The following PKHD1 variants were observed in gnomAD, a reference collection of about 807,000 sequenced individuals.
PKHD1 encodes PKHD1 ciliary IPT domain containing fibrocystin/polyductin.
A neutral mutation model predicts 412.0 loss-of-function variants in PKHD1; 291 were observed. That is an observed-to-expected ratio of 0.71 (90% confidence interval 0.64 to 0.78). The LOEUF (loss-of-function observed/expected upper bound fraction) is 0.78. Among genes scored for constraint, PKHD1 ranks in the 30% least tolerant of loss-of-function variants. The probability of loss-of-function intolerance (pLI) is 0.00; values close to 1 mark genes in which losing one functional copy is unlikely to be tolerated. For missense variants in PKHD1, 4,825 were observed against 4,950.7 expected, an observed-to-expected ratio of 0.97 and a Z score of 0.76; for synonymous variants, 1,777 against 1,821.5, an observed-to-expected ratio of 0.98 and a Z score of 0.62.
intron 48 of PKHD1, 136 bp from the exon 49 acceptor site, chr6:51,856,206 T>C: frequency 1.4e-6 from 1 of 705,950 alleles, no homozygotes; most frequent in Non-Finnish European, 2.5e-6. Context: ...TTTAGTTGTA[T>C]GTCTAGGGAG....
intron 35 of PKHD1, among the ~76,000 whole-genome samples, chr6:51,983,794 A>G (rs1795880812): frequency 6.6e-6 from 1 of 152,262 alleles, no homozygotes; most frequent in Non-Finnish European, 1.5e-5. Flanking sequence ...AACAGCTTCC[A>G]GCACTGCACC....
In PKHD1 at chr6:51,912,568, G is replaced by A. The variant is rs777570978; in HGVS notation, c.6130C>T (p.Pro2044Ser). The A allele has an allele frequency of 5.0e-6, 8 of 1,610,570 alleles. No individual in the cohort carries two copies. The highest frequency in any genetic ancestry group is 4.2e-6 in the Non-Finnish European group (5 of 1,177,090). Residue 2044 changes from proline to serine, a missense_variant, in exon 38 of 67, where the codon CCA becomes TCA. Physicochemically the swap from Pro to Ser is moderately conservative, Grantham distance 74. Coordinates refer to ENST00000371117, the MANE Select transcript of PKHD1 (RefSeq NM_138694.4). ...NGTLSLHGSLPEVIVTCLRAT... is the reference protein window; with the variant it reads ...NGTLSLHGSLSEVIVTCLRAT... ...CTAAGACAGGTGACAATTACTTCTG[G>A]TAGTGAACCTAAAGCAGCCCGAGGA...
chr6:51,968,686 C>A (rs770562604), intron 35 of PKHD1, among the ~76,000 whole-genome samples: 9 of 152,176 alleles, frequency 5.9e-5, no homozygotes, highest in Non-Finnish European at 1.3e-4. Context: ...GCCCACTTAG[C>A]CTCAGTAAAG....
chr6:51,881,393 C>T (rs1048718025), intron 46 of PKHD1, among the ~76,000 whole-genome samples: 3 of 152,254 alleles, frequency 2.0e-5, no homozygotes, highest in Middle Eastern at 6.8e-3. Flanking sequence ...TGACACAATA[C>T]AATTTTATTA....
At chr6:52,011,895 G>A (rs1170911941) in intron 34 of PKHD1, among the ~76,000 whole-genome samples, 3 of 152,104 alleles carry the variant, frequency 2.0e-5, no homozygotes, top group South Asian at 2.1e-4. Context: ...CTGGGACTCC[G>A]GTCTGCCTTT....
chr6:52,034,750 G>A (rs1052141272), intron 28 of PKHD1, among the ~76,000 whole-genome samples: 1 of 152,146 alleles, frequency 6.6e-6, no homozygotes, highest in Non-Finnish European at 1.5e-5. Flanking sequence ...CTAAGTGTCT[G>A]GTAATAAGGA....
intron 60 of PKHD1, among the ~76,000 whole-genome samples, chr6:51,693,272 C>T (rs143848656): frequency 3.8e-4 from 58 of 152,342 alleles, no homozygotes; most frequent in Non-Finnish European, 7.4e-4. Flanking sequence ...TCAAACATAA[C>T]ACTTTCCCAT....
At chr6:52,035,858 G>GA (rs1206056617) in intron 27 of PKHD1, 137 bp from the exon 28 acceptor site, 4 of 835,450 alleles carry the variant, frequency 4.8e-6, no homozygotes, top group African/African-American at 1.7e-5. Flanking sequence ...CAAACTGCAG[G>GA]AAAAAAACTG....
In PKHD1 at chr6:51,938,080, C is replaced by T. The variant is rs1284326510; in HGVS notation, c.5909-3758G>A. Among the ~76,000 whole-genome samples, 5 of 152,154 alleles carry T rather than the reference C, an allele frequency of 3.3e-5. No individual in the cohort carries two copies. In the East Asian group the frequency reaches 9.6e-4, roughly 29 times the overall value. ...ATAGCCCTTCCCAAAATTAAACTAC[C>T]TTTGTAAAACTAATGAAAGGCCACA... is the stretch of plus-strand genomic sequence containing the variant. On this transcript the variant is annotated intron_variant, in intron 36 of 66. Coordinates refer to ENST00000371117, the MANE Select transcript of PKHD1 (RefSeq NM_138694.4).
At chr6:51,831,574 G>C (rs1266746970) in intron 51 of PKHD1, among the ~76,000 whole-genome samples, 1 of 152,132 alleles carries the variant, frequency 6.6e-6, no homozygotes, top group East Asian at 1.9e-4. Context: ...AAATAATGCA[G>C]TGTTAACTGT....
intron 37 of PKHD1, among the ~76,000 whole-genome samples, chr6:51,925,457 G>GTGTGTGTA (rs1554140253): frequency 0.046 from 5,905 of 128,890 alleles, 407 homozygotes; most frequent in African/African-American, 0.16. Flanking sequence ...GTGTGTGTAT[G>GTGTGTGTA]TGTGTGTGTG....
intron 37 of PKHD1, among the ~76,000 whole-genome samples, chr6:51,932,685 G>C (rs2127762618): frequency 6.6e-6 from 1 of 152,322 alleles, no homozygotes; most frequent in East Asian, 1.9e-4. Context: ...CCCCTTGGAA[G>C]TTGATCATAG....
At chr6:51,832,253 C>T (rs748995153) in intron 51 of PKHD1, among the ~76,000 whole-genome samples, 9 of 151,954 alleles carry the variant, frequency 5.9e-5, no homozygotes, top group East Asian at 1.9e-4. Context: ...AGAAGCTTCC[C>T]GAGGGAAGTA....
chr6:51,698,444 A>C (rs1779051363), intron 60 of PKHD1, among the ~76,000 whole-genome samples: 2 of 152,234 alleles, frequency 1.3e-5, no homozygotes, highest in Non-Finnish European at 2.9e-5. Flanking sequence ...GATTAACACT[A>C]CATGAAACAC....
rs140995011 is a variant in PKHD1 at position 52,071,863 on chromosome 6, T to G, written c.602+252A>C. Among the ~76,000 whole-genome samples the G allele has an allele frequency of 2.8e-3, 434 of 152,332 alleles. 3 individuals are homozygous for G. The highest frequency in any genetic ancestry group is 0.01 in the African/African-American group (421 of 41,586). On this transcript the variant is annotated intron_variant, in intron 8 of 66. Coordinates refer to ENST00000371117, the MANE Select transcript of PKHD1 (RefSeq NM_138694.4). ...CATTCGAGCAGAGCTTGGCCTATGG[T>G]AAGCCCCTAACAAGTATTAGCTATG...
At chr6:52,069,217 A>G (rs1025853451) in intron 11 of PKHD1, among the ~76,000 whole-genome samples, 21 of 152,136 alleles carry the variant, frequency 1.4e-4, no homozygotes, top group African/African-American at 4.8e-4. Flanking sequence ...CCTTTCTTTT[A>G]TTCAGTTTAT....
chr6:51,683,457 AAC>A (rs1776979123), intron 60 of PKHD1, among the ~76,000 whole-genome samples: 1 of 152,102 alleles, frequency 6.6e-6, no homozygotes, highest in African/African-American at 2.4e-5. Context: ...TCAGACAACA[AAC>A]ACAATATATA....
At chr6:51,736,665 T>C (rs1783891173) in intron 60 of PKHD1, among the ~76,000 whole-genome samples, 1 of 152,120 alleles carries the variant, frequency 6.6e-6, no homozygotes, top group Non-Finnish European at 1.5e-5. Context: ...GAGAATGGTA[T>C]TTTCCCCTCT....
chr6:51,788,961 C>T (rs183167379), intron 53 of PKHD1, among the ~76,000 whole-genome samples: 3 of 152,238 alleles, frequency 2.0e-5, no homozygotes, highest in Admixed American at 2.0e-4. Context: ...GGTCAAACAG[C>T]CAACAGGTGG....
Sources: gnomAD v4.1 joint callset for allele counts (sites outside exome capture counted in the v4.1 genomes callset) on GRCh38, gnomAD v4.1.1 for gene constraint, MANE v1.5 for transcripts, NCBI Gene and HGNC (gene_info 2026-07-23, HGNC 2026-07-21) for gene names.